Variants in EVPL observed in about 807,000 individuals in gnomAD.
EVPL encodes the protein envoplakin.
In EVPL, 94 loss-of-function variants were observed where a neutral mutation model predicts 129.7. The observed-to-expected ratio is 0.72, with a 90% CI of 0.61 to 0.86. The LOEUF (loss-of-function observed/expected upper bound fraction) is 0.86, where lower values mean the gene tolerates loss of function less well. Among genes scored for constraint, EVPL ranks in the 40% least tolerant of loss-of-function variants. The pLI, the probability that EVPL is intolerant of heterozygous loss-of-function variation, is 0.00. For synonymous variants in EVPL, 1,172 were observed against 1,191.1 expected (o/e 0.98, Z 0.33); for missense variants, 2,625 against 2,721.1 (o/e 0.96, Z 0.79).
At position 76,008,285 on chromosome 17, in the gene EVPL, C is replaced by T; in HGVS notation, c.4920G>A (p.Arg1640=). 1.2e-6 allele frequency: 2 copies of T among 1,611,388 alleles called. No homozygotes were observed. Among genetic ancestry groups the T allele is most frequent in the East Asian group, 2.2e-5 (1 of 44,876 alleles). Residue 1640 remains arginine, a synonymous_variant, in exon 22 of 22, where the codon CGG becomes CGA. Coordinates refer to ENST00000301607, the MANE Select transcript of EVPL (RefSeq NM_001988.4). The surrounding 1 kb of genome is among the most constrained non-coding windows in gnomAD (Gnocchi z 7.4). ...TCTCGCGGAGGATGGCCGCCTCCAG[C>T]CGCGAGAGCTCCTGGCCCCGCTGGG... The part of the protein sequence containing the change: ...KAAQRGQELS[R]LEAAILREKD...
At position 76,010,416 on chromosome 17, in the gene EVPL, C is replaced by T. The variant is rs745583770; in HGVS notation, c.2789G>A (p.Arg930Gln). The change falls in exon 22 of 22, where the codon CGG (arginine) becomes CAG (glutamine). Residue 930 changes from arginine to glutamine, a missense_variant. By Grantham distance (43) the Arg-to-Gln change is conservative. This residue lies in a region of EVPL where 1,453 missense variants were observed against 1,511.8 expected (regional missense o/e 0.96). Transcript: ENST00000301607. ...CTGCGCCTCCAGCTCATGCTGCACC[C>T]GGGCCACCCGCTTCCTCTCCTCTTC... Reference protein sequence around the residue: ...QLEEERKRVARVQHELEAQRS... With the variant: ...QLEEERKRVAQVQHELEAQRS... The T allele has an allele frequency of 1.4e-5, 23 of 1,613,856 alleles. No individual in the cohort carries two copies. The highest frequency in any genetic ancestry group is 1.6e-4 in the Middle Eastern group (1 of 6,084).
Position 76,024,236 on chromosome 17 carries a change from G to C in EVPL, c.99-116C>G. The C allele has an allele frequency of 1.0e-6, 1 of 974,348 alleles. No homozygotes were observed. The allele number at this position is 974,348 out of a possible 1,614,324, so 60.4% of individuals were successfully genotyped here. A position where few individuals can be genotyped will look rare whatever the true frequency, so the allele number is the denominator to read the frequency against. ...TCCTGCCCCCACAGCCTAGCTCACT[G>C]CCCTGACTTTGGGGTCTCTCTCTGC... On this transcript the variant is annotated intron_variant, in intron 1 of 21. Coordinates refer to ENST00000301607, the MANE Select transcript of EVPL (RefSeq NM_001988.4). This position sits in a 1 kb window ranked among gnomAD's most constrained non-coding sequence, Gnocchi z 4.5.
At position 76,014,922 on chromosome 17, in the gene EVPL, T is replaced by C. The variant is rs777986585; in HGVS notation, c.2216A>G (p.Asp739Gly). 1.2e-5 allele frequency: 19 copies of C among 1,581,850 alleles called. No homozygotes were observed. The Middle Eastern group carries it at 6.8e-4, about 57-fold the overall frequency. ...CGAGGACCCAGTCGCTCACCGCAGGTCCAGCTGGTCCCCTACGGCGTGGTA... is the reference window on the plus strand; with the variant it reads ...CGAGGACCCAGTCGCTCACCGCAGGCCCAGCTGGTCCCCTACGGCGTGGTA... Reference protein sequence around the residue: ...DRYHAVGDQLDLREKVVQDAA... With the variant: ...DRYHAVGDQLGLREKVVQDAA... Residue 739 changes from aspartate (D) to glycine (G), a missense_variant, in exon 17 of 22, where the codon GAC becomes GGC. Coordinates refer to ENST00000301607, the MANE Select transcript of EVPL (RefSeq NM_001988.4).
rs745927142 is a variant in EVPL at position 76,007,055 on chromosome 17, C to T, written c.*48G>A. The T allele has an allele frequency of 3.6e-6, 5 of 1,398,286 alleles. No individual in the cohort carries two copies. The highest frequency in any genetic ancestry group is 1.9e-5 in the South Asian group (1 of 52,818). The allele number at this position is 1,398,286 out of a possible 1,614,324, so 86.6% of individuals were successfully genotyped here. On this transcript the variant is annotated 3_prime_UTR_variant, in exon 22 of 22. Transcript: ENST00000301607. This position sits in a 1 kb window ranked among gnomAD's most constrained non-coding sequence, Gnocchi z 8.8. ...GCTCTGAGGCAAGAGGTGTACGTAT[C>T]CTACCTGGCCCAACACACGCACTTC...
At chr17:76,019,123 A>T (rs2066440111) in intron 10 of EVPL, 63 bp from the exon 11 acceptor site, 1 of 1,459,028 alleles carries the variant, frequency 6.9e-7, no homozygotes. Context: ...GCCACACCAT[A>T]CCTGTCCTTC....
At chr17:76,018,091 A>G in intron 13 of EVPL, 70 bp downstream of exon 13, 1 of 1,544,866 alleles carries the variant, frequency 6.5e-7, no homozygotes, top group South Asian at 1.2e-5. Context: ...TGCCCATCAC[A>G]GACCAGTCGG....
rs577275988 is a variant in EVPL at position 76,013,881 on chromosome 17, C to T, written c.2373+545G>A. On this transcript the variant is annotated intron_variant, in intron 18 of 21. Transcript: ENST00000301607. The surrounding 1 kb of genome is among the most constrained non-coding windows in gnomAD (Gnocchi z 4.3). Reference sequence around the variant, plus strand: ...AGAGAGTGCAGCCTGGGTCCTGTGCCGGAAGGGCCTGTGTGGTCTGCCCAT... The same window carrying T: ...AGAGAGTGCAGCCTGGGTCCTGTGCTGGAAGGGCCTGTGTGGTCTGCCCAT... Among the ~76,000 whole-genome samples, 12 of 152,282 alleles carry T rather than the reference C, an allele frequency of 7.9e-5. No homozygotes were observed. The highest frequency in any genetic ancestry group is 6.2e-4 in the South Asian group (3 of 4,830).
chr17:76,019,672 C>T lies in EVPL; in HGVS notation c.1012-19G>A, dbSNP rs2066444222. 6.2e-7 allele frequency: 1 copy of T among 1,608,214 alleles called. No homozygotes were observed. Among genetic ancestry groups the T allele is most frequent in the Non-Finnish European group, 8.5e-7 (1 of 1,177,736 alleles). On this transcript the variant is annotated intron_variant, in intron 9 of 21. Transcript: ENST00000301607. ...CCTGGAACTGAGTTCACTGGGTGGT[C>T]AAGGGCAGAGCCTCGTGCAACCTGC...
rs150391336 is a variant in EVPL, at chr17:76,009,790, C to G, written c.3415G>C (p.Val1139Leu). 1.2e-5 allele frequency: 20 copies of G among 1,613,958 alleles called. No individual in the cohort carries two copies. The highest frequency in any genetic ancestry group is 1.6e-5 in the Non-Finnish European group (19 of 1,180,002). ...CCTGGGTCCTGCTCCACCTTCTTCA[C>G]CTCCTTCACGATGACCTTGGGCTCC... ...SVEPKVIVKE[V>L]KKVEQDPGLL... Residue 1139 changes from valine to leucine, a missense_variant, in exon 22 of 22, where the codon GTG (valine) becomes CTG (leucine). By Grantham distance (32) the Val-to-Leu change is conservative. Coordinates refer to ENST00000301607, the MANE Select transcript of EVPL (RefSeq NM_001988.4). The surrounding 1 kb of genome is among the most constrained non-coding windows in gnomAD (Gnocchi z 5.9).
intron 1 of EVPL, among the ~76,000 whole-genome samples, chr17:76,025,516 C>T (rs1294745870): frequency 6.6e-6 from 1 of 152,210 alleles, no homozygotes; most frequent in Non-Finnish European, 1.5e-5. Context: ...GTGCTGGGCC[C>T]TGGGCGCCCC....
Position 76,007,927 on chromosome 17 carries a change from T to C in EVPL, c.5278A>G (p.Lys1760Glu), listed in dbSNP as rs2066334420. 8 of 1,614,048 alleles carry C rather than the reference T, an allele frequency of 5.0e-6. No individual in the cohort carries two copies. The highest frequency in any genetic ancestry group is 5.1e-6 in the Non-Finnish European group (6 of 1,180,018). The change falls in exon 22 of 22, where the codon AAG (lysine) becomes GAG (glutamate). Residue 1760 changes from lysine to glutamate, a missense_variant. Physicochemically the swap from Lys to Glu is moderately conservative, Grantham distance 56 (BLOSUM62 1). Transcript: ENST00000301607. The surrounding 1 kb of genome is among the most constrained non-coding windows in gnomAD (Gnocchi z 8.8). ...TCCTTGTACAGATGGTACTCCTCCT[T>C]AGAGATGCGCCGGCAGCGGAGGGCG... ...EAALRCRRISKEEYHLYKDGH... is the reference protein window; with the variant it reads ...EAALRCRRISEEEYHLYKDGH...
chr17:76,021,596 G>GCCCCCCCCCCCCCCCC (rs200115767), intron 8 of EVPL, 33 bp from the exon 9 acceptor site: 9 of 1,379,522 alleles, frequency 6.5e-6, no homozygotes, highest in Admixed American at 2.2e-5. Context: ...CTCGGACCAC[G>GCCCCCCCCCCCCCCCC]CCCCCCCCAC....
Position 76,009,186 on chromosome 17 carries a change from G to A in EVPL, c.4019C>T (p.Ala1340Val), listed in dbSNP as rs375290979. The A allele has an allele frequency of 4.3e-6, 7 of 1,610,650 alleles. No homozygotes were observed. Among genetic ancestry groups the A allele is most frequent in the Middle Eastern group, 1.6e-4 (1 of 6,062 alleles). The part of the protein sequence containing the change: ...AERLRQEVRE[A>V]AQKRRAAEDA... ...CTCCGCGGCCCGCCTCTTCTGGGCC[G>A]CCTCCCGCACCTCCTGGCGGAGCCG... The change falls in exon 22 of 22, where the codon GCG (alanine) becomes GTG (valine). Residue 1340 changes from alanine (A) to valine (V), a missense_variant. Coordinates refer to ENST00000301607, the MANE Select transcript of EVPL (RefSeq NM_001988.4). This position sits in a 1 kb window ranked among gnomAD's most constrained non-coding sequence, Gnocchi z 5.9.
At chr17:76,023,124 T>C (rs1295215104) in intron 4 of EVPL, among the ~76,000 whole-genome samples, 168 bp downstream of exon 4, 1 of 152,044 alleles carries the variant, frequency 6.6e-6, no homozygotes, top group Non-Finnish European at 1.5e-5. Context: ...ATGTACCTCC[T>C]CCTGCAGGAA....
rs372237819 is a variant in EVPL, at chr17:76,008,739, T to C, written c.4466A>G (p.Lys1489Arg). The C allele has an allele frequency of 6.2e-7, 1 of 1,614,130 alleles. No individual in the cohort carries two copies. Among genetic ancestry groups the C allele is most frequent in the Non-Finnish European group, 8.5e-7 (1 of 1,180,024 alleles). The stretch of plus-strand genomic sequence containing the variant: ...CCGATTCAGCTCGGTTACCTGGGTC[T>C]TCTCCTGGTCCAGGTCCCACCGCAG... ...EALRWDLDQE[K>R]TQVTELNREC... The change falls in exon 22 of 22, where the codon AAG becomes AGG. Residue 1489 changes from lysine to arginine, a missense_variant. Physicochemically the swap from Lys to Arg is conservative, Grantham distance 26 (BLOSUM62 2). Around this residue, in one of 4 missense-constraint regions of EVPL, gnomAD observed 1,453 missense variants for 1,511.8 expected, o/e 0.96. Coordinates refer to ENST00000301607, the MANE Select transcript of EVPL (RefSeq NM_001988.4). This position sits in a 1 kb window ranked among gnomAD's most constrained non-coding sequence, Gnocchi z 7.4.
rs1555625086 is a variant in EVPL at position 76,018,177 on chromosome 17, A to G, written c.1521T>C (p.Leu507=). The part of the protein sequence containing the change: ...SRLKASAVES[L]RPSQQAPSGS... The stretch of plus-strand genomic sequence containing the variant: ...CCTGGGTACCCTGCTGGCTGGGCCG[A>G]AGAGACTCCACAGCACTGGCCTTCA... Residue 507 remains leucine (L), a synonymous_variant, in exon 13 of 22, where the codon CTT becomes CTC. Transcript: ENST00000301607. 6.4e-7 allele frequency: 1 copy of G among 1,550,896 alleles called. No individual in the cohort carries two copies. Among genetic ancestry groups the G allele is most frequent in the Non-Finnish European group, 8.7e-7 (1 of 1,146,860 alleles).
intron 2 of EVPL, 125 bp from the exon 3 acceptor site, chr17:76,023,779 C>T: frequency 1.4e-6 from 2 of 1,421,084 alleles, no homozygotes; most frequent in Admixed American, 2.7e-5. Flanking sequence ...AGGCCCACGC[C>T]AGGCACAGGG....
chr17:76,012,491 C>T (rs1002486171), intron 18 of EVPL, among the ~76,000 whole-genome samples: 19 of 152,042 alleles, frequency 1.2e-4, no homozygotes, highest in African/African-American at 3.9e-4. Context: ...GATGGGGTTT[C>T]GCCATGTTGG....
In EVPL at chr17:76,022,217, G is replaced by T. The variant is rs1158372176; in HGVS notation, c.617C>A (p.Thr206Asn). 1 of 1,613,270 alleles carries T rather than the reference G, an allele frequency of 6.2e-7. No homozygotes were observed. Among genetic ancestry groups the T allele is most frequent in the Non-Finnish European group, 8.5e-7 (1 of 1,179,888 alleles). ...LRSLVGPDAA[T>N]IRSQYRDLLK... ...TAGGTCTCGGTATTGGCTCCGGATG[G>T]TGGCTGCATCCTGCCTCGACCAAGG... is the stretch of plus-strand genomic sequence containing the variant. The change falls in exon 6 of 22, where the codon ACC becomes AAC. Residue 206 changes from threonine to asparagine, a missense_variant. Coordinates refer to ENST00000301607, the MANE Select transcript of EVPL (RefSeq NM_001988.4). The surrounding 1 kb of genome is among the most constrained non-coding windows in gnomAD (Gnocchi z 5.6).
Sources: allele counts gnomAD v4.1 joint callset (sites outside exome capture counted in the v4.1 genomes callset), GRCh38; gene constraint gnomAD v4.1.1; regional missense constraint gnomAD v4.1.1; non-coding constraint Gnocchi (gnomAD v3.1); transcripts MANE v1.5; gene names NCBI Gene and HGNC (gene_info 2026-07-23, HGNC 2026-07-21).